PCDHGA5: variants seen among roughly 807,000 people sequenced by gnomAD.
PCDHGA5 encodes protocadherin gamma-A5.
Under a neutral mutation model 56.7 loss-of-function variants are expected in PCDHGA5, and 36 were observed. The ratio of observed to expected loss-of-function variants is 0.64; its 90% CI spans 0.49 to 0.84. PCDHGA5 has a LOEUF of 0.84. Among genes scored for constraint, PCDHGA5 ranks in the 40% least tolerant of loss-of-function variants. The pLI is 0.00. For missense variants in PCDHGA5, 1,305 were observed against 1,201.5 expected, an observed-to-expected ratio of 1.09 and a Z score of -1.27; for synonymous variants, 563 against 520.2, an observed-to-expected ratio of 1.08 and a Z score of -1.12.
intron 1 of PCDHGA5, among the ~76,000 whole-genome samples, chr5:141,449,103 A>G (rs1033077737): frequency 2.0e-5 from 3 of 152,206 alleles, no homozygotes; most frequent in African/African-American, 7.2e-5. Context: ...CATATGCAGT[A>G]TATCTTTGGG....
At position 141,510,947 on chromosome 5, in the gene PCDHGA5, A is replaced by C; in HGVS notation, c.2570A>C (p.Glu857Ala). Residue 857 changes from glutamate to alanine, a missense_variant and splice_region_variant, in exon 4 of 4, where the codon GAA (glutamate) becomes GCA (alanine). By Grantham distance (107) the Glu-to-Ala change is moderately radical. Transcript: ENST00000518069. ...ACCTGATCTTCCTCTGTCTCTGCAG[A>C]AGCTGCTGATGGGAGCTCCACCCTG... ...LQAMILASAS[E>A]AADGSSTLGG... The C allele has an allele frequency of 6.2e-7, 1 of 1,614,084 alleles. No individual in the cohort carries two copies. Among genetic ancestry groups the C allele is most frequent in the Non-Finnish European group, 8.5e-7 (1 of 1,180,000 alleles).
At chr5:141,410,479 G>A in intron 1 of PCDHGA5, 2 of 1,613,956 alleles carry the variant, frequency 1.2e-6, no homozygotes, top group Non-Finnish European at 1.7e-6. Flanking sequence ...TTGCACATAC[G>A]GGTACAAAAG....
chr5:141,460,983 G>GTGTATA (rs1554142949), intron 1 of PCDHGA5, among the ~76,000 whole-genome samples: 24 of 137,844 alleles, frequency 1.7e-4, no homozygotes, highest in African/African-American at 5.4e-4. Context: ...GTGTGTGTGT[G>GTGTATA]TATATATATA....
Position 141,432,205 on chromosome 5 carries a change from A to G in PCDHGA5, c.2422-62602A>G, listed in dbSNP as rs764567227. 1 of 1,614,180 alleles carries G rather than the reference A, an allele frequency of 6.2e-7. No individual in the cohort carries two copies. Among genetic ancestry groups the G allele is most frequent in the South Asian group, 1.1e-5 (1 of 91,074 alleles). On this transcript the variant is annotated intron_variant, in intron 1 of 3. Transcript: ENST00000518069. This position sits in a 1 kb window ranked among gnomAD's most constrained non-coding sequence, Gnocchi z 6.0. The stretch of plus-strand genomic sequence containing the variant: ...TGACCGCCCACGACCCCGACTGTGA[A>G]GAGAACGCCCAGATCACTTATTCCC...
chr5:141,428,368 C>T, intron 1 of PCDHGA5: 1 of 545,002 alleles, frequency 1.8e-6, no homozygotes, highest in Non-Finnish European at 3.4e-6. Context: ...GGTCGCCTTG[C>T]ACCTGCGATG....
chr5:141,385,258 A>G lies in PCDHGA5; in HGVS notation c.2421+18507A>G, dbSNP rs1490610927. ...GCTCATCAGCCAGGAGAGCTGTGAG[A>G]AAAATGATTCTTTGCTAACATCCGT... On this transcript the variant is annotated intron_variant, in intron 1 of 3. Coordinates refer to ENST00000518069, the MANE Select transcript of PCDHGA5 (RefSeq NM_018918.3). 6 of 1,613,776 alleles carry G rather than the reference A, an allele frequency of 3.7e-6. No individual in the cohort carries two copies. In the South Asian group the frequency reaches 6.6e-5, roughly 18 times the overall value.
At chr5:141,460,733 C>T (rs988651750) in intron 1 of PCDHGA5, among the ~76,000 whole-genome samples, 2 of 150,844 alleles carry the variant, frequency 1.3e-5, no homozygotes, top group Non-Finnish European at 3.0e-5. Context: ...CATATATACA[C>T]ATTGTATATA....
At chr5:141,368,326 T>C (rs1444418576) in intron 1 of PCDHGA5, among the ~76,000 whole-genome samples, 2 of 152,122 alleles carry the variant, frequency 1.3e-5, no homozygotes, top group Non-Finnish European at 2.9e-5. Context: ...TTCAAGTATA[T>C]CTATATCTAT....
At chr5:141,447,642 T>G (rs1275164919) in intron 1 of PCDHGA5, among the ~76,000 whole-genome samples, 2 of 152,166 alleles carry the variant, frequency 1.3e-5, no homozygotes, top group Non-Finnish European at 2.9e-5. Flanking sequence ...TGAATGATGG[T>G]AGAATTTTCC....
At chr5:141,372,155 G>T in intron 1 of PCDHGA5, 1 of 1,613,796 alleles carries the variant, frequency 6.2e-7, no homozygotes, top group Non-Finnish European at 8.5e-7. Flanking sequence ...CTGGCTACCT[G>T]GTGACCAAGG....
At chr5:141,409,424 G>A in intron 1 of PCDHGA5, 1 of 1,613,998 alleles carries the variant, frequency 6.2e-7, no homozygotes, top group Non-Finnish European at 8.5e-7. Context: ...GGTGACAGAT[G>A]GAGCCCTGGA....
intron 1 of PCDHGA5, chr5:141,376,748 G>A (rs1210343016): frequency 4.3e-6 from 2 of 467,530 alleles, no homozygotes; most frequent in Non-Finnish European, 7.4e-6. Flanking sequence ...CTGCAGTGGC[G>A]CAATCTCGGC....
chr5:141,396,628 A>G (rs1384822433), intron 1 of PCDHGA5: 2 of 152,210 alleles, frequency 1.3e-5, no homozygotes, highest in Non-Finnish European at 2.9e-5. Flanking sequence ...TCAAAAAAAA[A>G]AAAAACTAAT....
chr5:141,379,889 C>CTTTTTGTTTTTTTTTTTTT (rs1775944261), intron 1 of PCDHGA5, among the ~76,000 whole-genome samples: 1 of 50,830 alleles, frequency 2.0e-5, no homozygotes, highest in Non-Finnish European at 3.9e-5. Flanking sequence ...GTGAAAGCCT[C>CTTTTTGTTTTTTTTTTTTT]TTTTTTTTTT....
intron 1 of PCDHGA5, chr5:141,428,207 T>G (rs1213295979): frequency 7.6e-7 from 1 of 1,308,340 alleles, no homozygotes; most frequent in African/African-American, 1.4e-5. Context: ...GCCGCTACGC[T>G]TCACCTAGTC....
At chr5:141,443,751 A>C (rs1372334547) in intron 1 of PCDHGA5, among the ~76,000 whole-genome samples, 3 of 152,230 alleles carry the variant, frequency 2.0e-5, no homozygotes, top group African/African-American at 7.2e-5. Context: ...GTGAATTGGA[A>C]GCTTACAATA....
rs1180919465 is a variant in PCDHGA5 at position 141,410,681 on chromosome 5, G to A, written c.2421+43930G>A. On this transcript the variant is annotated intron_variant, in intron 1 of 3. Coordinates refer to ENST00000518069, the MANE Select transcript of PCDHGA5 (RefSeq NM_018918.3). ...AGTCTACTAGTTTCTCATATTTTAG[G>A]CATACTACTTTATTTTCATATCTAG... The A allele has an allele frequency of 3.9e-6, 6 of 1,535,084 alleles. No homozygotes were observed. The East Asian group carries it at 1.4e-4, about 35-fold the overall frequency.
intron 1 of PCDHGA5, chr5:141,393,938 C>G (rs537803893): frequency 9.3e-6 from 15 of 1,613,818 alleles, no homozygotes; most frequent in Non-Finnish European, 1.3e-5. Context: ...ATGACCAAGA[C>G]TCTGGAAAGA....
rs199537783 is a variant in PCDHGA5 at position 141,389,536 on chromosome 5, A to G, written c.2421+22785A>G. 177 of 1,613,198 alleles carry G rather than the reference A, an allele frequency of 1.1e-4. No individual in the cohort carries two copies. Among genetic ancestry groups the G allele is most frequent in the Middle Eastern group, 9.9e-4 (6 of 6,036 alleles). On this transcript the variant is annotated intron_variant, in intron 1 of 3. Coordinates refer to ENST00000518069, the MANE Select transcript of PCDHGA5 (RefSeq NM_018918.3). ...AACGTGAGCCTGCGCGTGTTAGTGG[A>G]CGACCGCAACGACAATGCGCCACGG...
Sources: gnomAD v4.1 joint callset for allele counts (sites outside exome capture counted in the v4.1 genomes callset) on GRCh38, gnomAD v4.1.1 for gene constraint, Gnocchi (gnomAD v3.1) non-coding constraint, MANE v1.5 for transcripts, NCBI Gene and HGNC (gene_info 2026-07-23, HGNC 2026-07-21) for gene names.